Variants in SMAD1 observed in about 807,000 individuals in gnomAD.
The protein encoded by SMAD1 is MAD, mothers against decapentaplegic homolog 1.
SMAD1 carries 6 observed loss-of-function variants against 41.6 expected under a neutral mutation model. That is an observed-to-expected ratio of 0.14 (90% confidence interval 0.08 to 0.28). The LOEUF is 0.28. SMAD1 is among the 10% of genes least tolerant of loss of function. SMAD1 has a pLI of 1.00. For missense variants in SMAD1, 379 were observed against 582.6 expected, an observed-to-expected ratio of 0.65 and a Z score of 3.60; for synonymous variants, 206 against 203.2, an observed-to-expected ratio of 1.01 and a Z score of -0.12.
chr4:145,532,661 GC>G (rs1731380640), intron 2 of SMAD1, among the ~76,000 whole-genome samples: 2 of 152,180 alleles, frequency 1.3e-5, no homozygotes. Context: ...CCACACTTTA[GC>G]CATATTTTGA....
At chr4:145,541,954 A>T (rs976185900) in intron 3 of SMAD1, among the ~76,000 whole-genome samples, 20 of 152,254 alleles carry the variant, frequency 1.3e-4, no homozygotes, top group Admixed American at 3.9e-4. Context: ...AGAAACATAT[A>T]TGTAAATTCT....
chr4:145,505,575 C>T (rs1373244276), intron 1 of SMAD1, among the ~76,000 whole-genome samples: 4 of 150,228 alleles, frequency 2.7e-5, no homozygotes, highest in East Asian at 2.0e-4. Context: ...GCCGAGATCG[C>T]GCCACTGCAC....
chr4:145,502,340 G>C (rs531816965), intron 1 of SMAD1, among the ~76,000 whole-genome samples: 1 of 152,290 alleles, frequency 6.6e-6, no homozygotes, highest in East Asian at 1.9e-4. Context: ...GGGGTTCAAT[G>C]GGATTAAGGA....
chr4:145,509,892 C>T (rs984234097), intron 1 of SMAD1, among the ~76,000 whole-genome samples: 1 of 152,066 alleles, frequency 6.6e-6, no homozygotes. Flanking sequence ...GTTGACGCTC[C>T]GTATTTGGCT....
At chr4:145,481,164 T>C (rs149430925), upstream of SMAD1, 2 of 151,486 alleles carry the variant, frequency 1.3e-5, no homozygotes, top group Non-Finnish European at 2.9e-5. Context: ...AAATGTGGAG[T>C]TCTAAAGCAG....
At chr4:145,547,896 T>G (rs528954512) in intron 5 of SMAD1, among the ~76,000 whole-genome samples, 3 of 123,242 alleles carry the variant, frequency 2.4e-5, no homozygotes, top group African/African-American at 7.6e-5. Context: ...TAGTTTCTGA[T>G]CTGCCTGCTG....
chr4:145,555,056 G>A (rs1732763912), intron 6 of SMAD1, among the ~76,000 whole-genome samples: 1 of 152,036 alleles, frequency 6.6e-6, no homozygotes, highest in Non-Finnish European at 1.5e-5. Flanking sequence ...TTTTCAGTGT[G>A]TTCCCTTAGT....
At chr4:145,528,582 G>T (rs995452758) in intron 2 of SMAD1, among the ~76,000 whole-genome samples, 19 of 152,216 alleles carry the variant, frequency 1.2e-4, no homozygotes, top group African/African-American at 4.6e-4. Flanking sequence ...CATTTTCGTG[G>T]AATATATTTA....
At chr4:145,527,670 ACCACTGTGCTATACTGCTTC>A (rs1487338726) in intron 2 of SMAD1, among the ~76,000 whole-genome samples, 1 of 152,056 alleles carries the variant, frequency 6.6e-6, no homozygotes, top group Admixed American at 6.6e-5. Context: ...CATGCTGCTA[ACCACTGTGCTATACTGCTTC>A]CCAAAAGAAG....
chr4:145,550,999 A>C (rs1350102235), intron 5 of SMAD1, among the ~76,000 whole-genome samples: 1 of 152,198 alleles, frequency 6.6e-6, no homozygotes, highest in Non-Finnish European at 1.5e-5. Flanking sequence ...TCAGAATCAC[A>C]ATGTGATTTT....
At chr4:145,542,854 A>G (rs1732030051) in intron 4 of SMAD1, among the ~76,000 whole-genome samples, 156 bp downstream of exon 4, 1 of 152,242 alleles carries the variant, frequency 6.6e-6, no homozygotes, top group African/African-American at 2.4e-5. Flanking sequence ...CTGGATAACA[A>G]GTAAGTCTTT....
chr4:145,543,603 G>A (rs1260605762), intron 4 of SMAD1, among the ~76,000 whole-genome samples: 8 of 152,194 alleles, frequency 5.3e-5, no homozygotes, highest in Admixed American at 4.6e-4. Context: ...AGTAAAGGGT[G>A]GGTCTTTGAT....
At chr4:145,485,776 A>G (rs1412745741) in intron 1 of SMAD1, among the ~76,000 whole-genome samples, 1 of 152,160 alleles carries the variant, frequency 6.6e-6, no homozygotes. Context: ...AGAGAGAAGA[A>G]ATAATTGTAG....
chr4:145,491,380 A>G (rs1273541277), intron 1 of SMAD1, among the ~76,000 whole-genome samples: 3 of 152,192 alleles, frequency 2.0e-5, no homozygotes, highest in East Asian at 1.9e-4. Flanking sequence ...GCAGTGAGCT[A>G]TGATTGTGTC....
intron 2 of SMAD1, among the ~76,000 whole-genome samples, chr4:145,527,247 G>A (rs188005745): frequency 1.1e-4 from 17 of 148,804 alleles, no homozygotes; most frequent in African/African-American, 3.9e-4. Flanking sequence ...TTTTTGAGAC[G>A]GAGTCTTGCT....
chr4:145,494,657 A>C (rs905874004), intron 1 of SMAD1, among the ~76,000 whole-genome samples: 4 of 152,198 alleles, frequency 2.6e-5, no homozygotes, highest in African/African-American at 9.7e-5. Flanking sequence ...AAATACTGTT[A>C]ATATCCAGCA....
chr4:145,519,393 G>C (rs1730602619), intron 2 of SMAD1, among the ~76,000 whole-genome samples: 1 of 115,848 alleles, frequency 8.6e-6, no homozygotes, highest in Non-Finnish European at 2.2e-5. Context: ...ACTGAGCCCA[G>C]CTGAACCTTT....
rs189884485 is a variant in SMAD1 at position 145,553,656 on chromosome 4, G to A, written c.998-128G>A. On this transcript the variant is annotated intron_variant, in intron 5 of 6. Transcript: ENST00000302085. ...GGGAACTCCTGTTGTACAGGACCTA[G>A]AGAATAGCTAGCTAACTAGCCAAAG... is the stretch of plus-strand genomic sequence containing the variant. 2.4e-4 allele frequency: 200 copies of A among 838,690 alleles called. No homozygotes were observed. In the East Asian group the frequency reaches 4.3e-3, roughly 18 times the overall value. 52.0% of individuals were successfully genotyped at this position (838,690 alleles called of 1,614,324 possible).
intron 1 of SMAD1, among the ~76,000 whole-genome samples, chr4:145,487,507 A>C (rs1276148612): frequency 1.3e-5 from 2 of 152,000 alleles, no homozygotes; most frequent in Non-Finnish European, 2.9e-5. Flanking sequence ...CCAATCTGAA[A>C]CCTCTTGACC....
Sources: allele counts gnomAD v4.1 joint callset (sites outside exome capture counted in the v4.1 genomes callset), GRCh38; gene constraint gnomAD v4.1.1; transcripts MANE v1.5; gene names NCBI Gene and HGNC (gene_info 2026-07-23, HGNC 2026-07-21).